SCFD2: variants seen among roughly 807,000 people sequenced by gnomAD.
SCFD2 encodes the protein sec1 family domain-containing protein 2.
Under a neutral mutation model 58.9 loss-of-function variants are expected in SCFD2, and 54 were observed. The observed-to-expected ratio is 0.92, with a 90% confidence interval of 0.74 to 1.15. SCFD2 has a LOEUF of 1.15. Among genes scored for constraint, SCFD2 ranks in the 50% most tolerant of loss-of-function variants. SCFD2 has a pLI of 0.00. For synonymous variants in SCFD2, 321 were observed against 335.9 expected (o/e 0.96, Z 0.49); for missense variants, 805 against 836.6 (o/e 0.96, Z 0.47).
chr4:52,893,771 A>C (rs1301911620), intron 7 of SCFD2, among the ~76,000 whole-genome samples: 1 of 152,180 alleles, frequency 6.6e-6, no homozygotes, highest in Non-Finnish European at 1.5e-5. Context: ...CATTTATACT[A>C]TTTATTGAGC....
chr4:53,048,560 A>T (rs1202067462), intron 5 of SCFD2, among the ~76,000 whole-genome samples: 1 of 152,114 alleles, frequency 6.6e-6, no homozygotes, highest in Non-Finnish European at 1.5e-5. Context: ...ACATAGGGAG[A>T]CCCTGTCTCT....
rs566345054 is a variant in SCFD2 at position 52,877,907 on chromosome 4, G to A, written c.1963-3846C>T. ...TGAATGCTGCCAGCACTCCACATCC[G>A]GCCCTTGCCTCCACACCCCCAAATC... On this transcript the variant is annotated intron_variant, in intron 8 of 8. Coordinates refer to ENST00000401642, the MANE Select transcript of SCFD2 (RefSeq NM_152540.4). Among the ~76,000 whole-genome samples the A allele has an allele frequency of 1.4e-4, 22 of 152,174 alleles. No individual in the cohort carries two copies. The East Asian group carries it at 3.7e-3, about 25-fold the overall frequency.
intron 4 of SCFD2, among the ~76,000 whole-genome samples, chr4:53,230,572 T>C (rs1307818182): frequency 8.1e-6 from 1 of 123,840 alleles, no homozygotes; most frequent in Non-Finnish European, 1.5e-5. Context: ...AATTGAACAC[T>C]GAGAACGCAT....
intron 5 of SCFD2, among the ~76,000 whole-genome samples, chr4:52,990,797 AG>A (rs36107854): frequency 6.6e-6 from 1 of 152,244 alleles, no homozygotes; most frequent in Admixed American, 6.5e-5. Flanking sequence ...AAACATTTAA[AG>A]GATTGGTCTT....
At chr4:53,095,189 T>G (rs181761943) in intron 5 of SCFD2, among the ~76,000 whole-genome samples, 7 of 152,226 alleles carry the variant, frequency 4.6e-5, no homozygotes, top group African/African-American at 1.4e-4. Context: ...TTCCAATAGC[T>G]CTTGCATTTT....
chr4:53,161,892 G>A (rs766826924), intron 4 of SCFD2, among the ~76,000 whole-genome samples: 12 of 152,192 alleles, frequency 7.9e-5, no homozygotes, highest in Middle Eastern at 3.4e-3. Flanking sequence ...GCAACTATCC[G>A]TGACCTAAAT....
At chr4:52,993,832 TAATA>T (rs1721677774) in intron 5 of SCFD2, among the ~76,000 whole-genome samples, 1 of 152,234 alleles carries the variant, frequency 6.6e-6, no homozygotes, top group South Asian at 2.1e-4. Context: ...CTGTACTTAG[TAATA>T]AATAGCCTCA....
At chr4:53,300,392 G>C (rs1732234404) in intron 3 of SCFD2, among the ~76,000 whole-genome samples, 3 of 152,250 alleles carry the variant, frequency 2.0e-5, no homozygotes, top group Admixed American at 1.3e-4. Context: ...TCAACAAGAA[G>C]AACTAACTCT....
chr4:52,895,667 A>G (rs978358931), intron 7 of SCFD2, among the ~76,000 whole-genome samples: 8 of 152,190 alleles, frequency 5.3e-5, no homozygotes, highest in African/African-American at 1.7e-4. Flanking sequence ...CATGATTTCT[A>G]ATCCTTTGGG....
At chr4:52,971,605 C>G (rs1721102595) in intron 5 of SCFD2, among the ~76,000 whole-genome samples, 1 of 152,128 alleles carries the variant, frequency 6.6e-6, no homozygotes, top group South Asian at 2.1e-4. Flanking sequence ...GGATATTATC[C>G]AGGAGAACTT....
At chr4:53,345,722 A>G (rs1160109899) in intron 2 of SCFD2, among the ~76,000 whole-genome samples, 3 of 152,246 alleles carry the variant, frequency 2.0e-5, no homozygotes, top group Non-Finnish European at 4.4e-5. Flanking sequence ...TTTCAACTGA[A>G]TTAAGAAAAT....
At chr4:53,041,601 TAAGGATGAGAGA>T (rs1722902626) in intron 5 of SCFD2, among the ~76,000 whole-genome samples, 5 of 152,234 alleles carry the variant, frequency 3.3e-5, no homozygotes, top group South Asian at 4.1e-4. Flanking sequence ...AAGTACTGGG[TAAGGATGAGAGA>T]AAGGATGAGA....
chr4:53,178,695 T>A (rs1404620989), intron 4 of SCFD2, among the ~76,000 whole-genome samples: 1 of 152,076 alleles, frequency 6.6e-6, no homozygotes, highest in Non-Finnish European at 1.5e-5. Flanking sequence ...ACTATCAAAC[T>A]ACTCCGAGCT....
intron 4 of SCFD2, among the ~76,000 whole-genome samples, chr4:53,244,141 T>C (rs1577887470): frequency 6.6e-6 from 1 of 152,168 alleles, no homozygotes; most frequent in East Asian, 1.9e-4. Flanking sequence ...ATAATAATTG[T>C]GGGAGACTTC....
intron 4 of SCFD2, among the ~76,000 whole-genome samples, chr4:53,175,956 T>C (rs1269116168): frequency 3.3e-5 from 5 of 152,214 alleles, no homozygotes; most frequent in Admixed American, 6.5e-5. Flanking sequence ...TTTATAACTA[T>C]TGAGATGATT....
chr4:53,004,026 T>C (rs1487611004), intron 5 of SCFD2, among the ~76,000 whole-genome samples: 3 of 152,252 alleles, frequency 2.0e-5, no homozygotes, highest in African/African-American at 7.2e-5. Context: ...TTCTTAAGTA[T>C]TACTATGCTC....
At chr4:53,104,595 G>A (rs7660092) in intron 5 of SCFD2, among the ~76,000 whole-genome samples, 5,793 of 152,234 alleles carry the variant, frequency 0.038, 371 homozygotes, top group African/African-American at 0.13. Flanking sequence ...ACTTGTAAAT[G>A]TACCATACTA....
At chr4:53,114,514 G>C (rs1725265534) in intron 5 of SCFD2, among the ~76,000 whole-genome samples, 2 of 152,088 alleles carry the variant, frequency 1.3e-5, no homozygotes, top group Non-Finnish European at 2.9e-5. Flanking sequence ...CAGCCCAAAA[G>C]CCAGAAATTT....
rs556491831 is a variant in SCFD2, at chr4:52,897,676, A to T, written c.1842+9781T>A. On this transcript the variant is annotated intron_variant, in intron 7 of 8. Transcript: ENST00000401642. ...AGGATGCTGCTGGCCTCATAAAATGAGTTAGGGAGGATTCCCTCTTTTTCT... is the reference window on the plus strand; with the variant it reads ...AGGATGCTGCTGGCCTCATAAAATGTGTTAGGGAGGATTCCCTCTTTTTCT... 1.4e-3 allele frequency among the ~76,000 whole-genome samples: 209 copies of T among 152,248 alleles called. 1 individual carries two copies. The Middle Eastern group carries it at 0.017, about 12-fold the overall frequency.
Sources: gnomAD v4.1 joint callset for allele counts (sites outside exome capture counted in the v4.1 genomes callset) on GRCh38, gnomAD v4.1.1 for gene constraint, MANE v1.5 for transcripts, NCBI Gene and HGNC (gene_info 2026-07-23, HGNC 2026-07-21) for gene names.